The following PCBP3 variants were observed in gnomAD, a reference collection of about 807,000 sequenced individuals.
The protein encoded by PCBP3 is poly(rC) binding protein 3.
In PCBP3, 25 loss-of-function variants were observed where a neutral mutation model predicts 52.7. The observed-to-expected ratio is 0.47, with a 90% CI of 0.35 to 0.66. The LOEUF (loss-of-function observed/expected upper bound fraction) is 0.66. PCBP3 is among the 30% of genes least tolerant of loss of function. The pLI is 0.01. For synonymous variants in PCBP3, 162 were observed against 183.0 expected, an observed-to-expected ratio of 0.89 and a Z score of 0.93; for missense variants, 391 against 490.3, an observed-to-expected ratio of 0.80 and a Z score of 1.91.
rs1302900129 is a variant in PCBP3, at chr21:45,853,114, G to A, written c.10+3019G>A. On this transcript the variant is annotated intron_variant, in intron 5 of 17. Coordinates refer to ENST00000681687, the MANE Select transcript of PCBP3 (RefSeq NM_001384156.1). The surrounding 1 kb of genome is among the most constrained non-coding windows in gnomAD (Gnocchi z 4.6). ...ACATGCCGCTGGCCAGAGGGGGTGG[G>A]CTGGCATGTCTTCTCTGGAGCCTGC... is the stretch of plus-strand genomic sequence containing the variant. Among the ~76,000 whole-genome samples, 1 of 152,180 alleles carries A rather than the reference G, an allele frequency of 6.6e-6. No homozygotes were observed. The highest frequency in any genetic ancestry group is 2.4e-5 in the African/African-American group (1 of 41,450).
intron 4 of PCBP3, chr21:45,760,489 A>C (rs945449813): frequency 2.6e-5 from 4 of 152,392 alleles, no homozygotes; most frequent in African/African-American, 9.6e-5. Flanking sequence ...GGGCTAAACC[A>C]CAAATGGTAG....
In PCBP3 at chr21:45,830,819, A is replaced by G. The variant is rs945650659; in HGVS notation, c.-125-19142A>G. 6.6e-6 allele frequency: 1 copy of G among 152,248 alleles called. No homozygotes were observed. The highest frequency in any genetic ancestry group is 1.5e-5 in the Non-Finnish European group (1 of 68,056). The allele number at this position is 152,248 out of a possible 1,614,324, so 9.4% of individuals were successfully genotyped here. On this transcript the variant is annotated intron_variant, in intron 4 of 17. Coordinates refer to ENST00000681687, the MANE Select transcript of PCBP3 (RefSeq NM_001384156.1). This position sits in a 1 kb window ranked among gnomAD's most constrained non-coding sequence, Gnocchi z 4.4. ...TATAAGCCAGTATTATGATGCCGAA[A>G]ATGTTTCATGATGAGGCCTTCCCAG...
chr21:45,893,427 C>T lies in PCBP3; in HGVS notation c.11-2781C>T, dbSNP rs1194525003. On this transcript the variant is annotated intron_variant, in intron 5 of 17. Transcript: ENST00000681687. ...GGGATGGGGTGGGTCAGGAGTCGTG[C>T]TGGTCACATATGTCAGATGTGGGTG... Among the ~76,000 whole-genome samples, 4 of 152,076 alleles carry T rather than the reference C, an allele frequency of 2.6e-5. No homozygotes were observed. The East Asian group carries it at 7.8e-4, about 30-fold the overall frequency.
chr21:45,651,750 G>A (rs761583070), intron 1 of PCBP3, among the ~76,000 whole-genome samples: 13 of 152,144 alleles, frequency 8.5e-5, no homozygotes, highest in Non-Finnish European at 1.5e-4. Flanking sequence ...AATTTCTAAA[G>A]GTAGAACTAT....
Position 45,736,691 on chromosome 21 carries a change from A to C in PCBP3, c.-162+1262A>C, listed in dbSNP as rs1296668297. ...CTGGAATCCTGACTAATATCATAAG[A>C]GGAGAGTTCTTACTAACAAATTACT... On this transcript the variant is annotated intron_variant, in intron 3 of 17. Transcript: ENST00000681687. The surrounding 1 kb of genome is among the most constrained non-coding windows in gnomAD (Gnocchi z 4.6). 6.6e-6 allele frequency among the ~76,000 whole-genome samples: 1 copy of C among 152,150 alleles called. No individual in the cohort carries two copies. Among genetic ancestry groups the C allele is most frequent in the Admixed American group, 6.5e-5 (1 of 15,280 alleles).
At chr21:45,677,862 C>T (rs191567190) in intron 2 of PCBP3, among the ~76,000 whole-genome samples, 1 of 152,280 alleles carries the variant, frequency 6.6e-6, no homozygotes, top group Non-Finnish European at 1.5e-5. Context: ...TCTCTTGAGA[C>T]CTGCTGCCCA....
At position 45,888,511 on chromosome 21, in the gene PCBP3, G is replaced by A. The variant is rs534214684; in HGVS notation, c.11-7697G>A. On this transcript the variant is annotated intron_variant, in intron 5 of 17. Transcript: ENST00000681687. ...TCACTCACCTGGGTCTCCCAGCCGG[G>A]GCCACCCACACGCCACCGCACACAG... Among the ~76,000 whole-genome samples the A allele has an allele frequency of 3.9e-5, 6 of 152,264 alleles. No homozygotes were observed. The South Asian group carries it at 1.2e-3, about 32-fold the overall frequency.
chr21:45,645,846 A>G (rs1237589241), intron 1 of PCBP3, among the ~76,000 whole-genome samples: 5 of 152,254 alleles, frequency 3.3e-5, no homozygotes, highest in African/African-American at 9.6e-5. Flanking sequence ...TAAGTTGTGT[A>G]TCCTCTCAGT....
At chr21:45,719,736 ACTT>A (rs1286292329) in intron 2 of PCBP3, among the ~76,000 whole-genome samples, 2 of 152,096 alleles carry the variant, frequency 1.3e-5, no homozygotes, top group Non-Finnish European at 2.9e-5. Context: ...AGTCAATTAA[ACTT>A]CTTTTCTTTA....
At chr21:45,652,582 C>T (rs927817945) in intron 1 of PCBP3, among the ~76,000 whole-genome samples, 2 of 151,980 alleles carry the variant, frequency 1.3e-5, no homozygotes, top group African/African-American at 4.8e-5. Context: ...GCTGGGATTA[C>T]AGGCACGTTC....
At position 45,917,541 on chromosome 21, in the gene PCBP3, G is replaced by A. The variant is rs1426962114; in HGVS notation, c.676-47G>A. 1.7e-5 allele frequency: 27 copies of A among 1,544,460 alleles called. No individual in the cohort carries two copies. The highest frequency in any genetic ancestry group is 2.2e-5 in the East Asian group (1 of 44,486). On this transcript the variant is annotated intron_variant, in intron 12 of 17. Coordinates refer to ENST00000681687, the MANE Select transcript of PCBP3 (RefSeq NM_001384156.1). The surrounding 1 kb of genome is among the most constrained non-coding windows in gnomAD (Gnocchi z 5.3). ...GGAGGGTGGCGGCGGGTGCTGAGCC[G>A]TGGTGCAGCCAGGTTGCAGTCTGAC...
intron 3 of PCBP3, among the ~76,000 whole-genome samples, chr21:45,738,991 C>G (rs1360251457): frequency 7.4e-6 from 1 of 135,004 alleles, no homozygotes; most frequent in African/African-American, 2.9e-5. Flanking sequence ...TTCAGCCCAC[C>G]CCTTCCTGTC....
intron 1 of PCBP3, among the ~76,000 whole-genome samples, chr21:45,653,471 G>T (rs1645833524): frequency 1.3e-5 from 2 of 152,086 alleles, no homozygotes; most frequent in South Asian, 4.1e-4. Flanking sequence ...TAATTATTAT[G>T]ACTGGTTCTC....
At chr21:45,666,661 CAT>C (rs1603207009) in intron 1 of PCBP3, among the ~76,000 whole-genome samples, 1 of 151,580 alleles carries the variant, frequency 6.6e-6, no homozygotes, top group Non-Finnish European at 1.5e-5. Flanking sequence ...CATGATTTTG[CAT>C]ATGTTATCCT....
At chr21:45,815,365 A>G (rs1603442059) in intron 4 of PCBP3, among the ~76,000 whole-genome samples, 2 of 42,548 alleles carry the variant, frequency 4.7e-5, no homozygotes, top group Admixed American at 2.0e-4. Flanking sequence ...GTGAGTGGTG[A>G]GTGATGAGTG....
chr21:45,886,273 G>C (rs1410286551), intron 5 of PCBP3, among the ~76,000 whole-genome samples: 2 of 63,186 alleles, frequency 3.2e-5, no homozygotes, highest in African/African-American at 6.8e-5. Context: ...CCTCATTGCC[G>C]CGGGTGCCAA....
At chr21:45,838,825 G>A (rs1330529495) in intron 4 of PCBP3, among the ~76,000 whole-genome samples, 1 of 152,068 alleles carries the variant, frequency 6.6e-6, no homozygotes, top group East Asian at 1.9e-4. Context: ...AGTGCCTACA[G>A]TCCTTCTCTC....
intron 4 of PCBP3, among the ~76,000 whole-genome samples, chr21:45,778,494 A>G (rs1416495105): frequency 5.9e-5 from 9 of 152,140 alleles, no homozygotes; most frequent in African/African-American, 1.7e-4. Flanking sequence ...GGCGATGACA[A>G]TAGCAGTGGT....
At chr21:45,789,473 C>T (rs1034116032) in intron 4 of PCBP3, among the ~76,000 whole-genome samples, 5 of 151,982 alleles carry the variant, frequency 3.3e-5, no homozygotes, top group Admixed American at 2.0e-4. Context: ...TGGGGGTTGC[C>T]AGTGTTCAAT....
Sources: gnomAD v4.1 joint callset for allele counts (sites outside exome capture counted in the v4.1 genomes callset) on GRCh38, gnomAD v4.1.1 for gene constraint, Gnocchi (gnomAD v3.1) non-coding constraint, MANE v1.5 for transcripts, NCBI Gene and HGNC (gene_info 2026-07-23, HGNC 2026-07-21) for gene names.